COMMD10: variants seen among roughly 807,000 people sequenced by gnomAD.
The protein encoded by COMMD10 is COMM domain containing 10, also known as COMM domain-containing protein 10.
Under a neutral mutation model 28.9 loss-of-function variants are expected in COMMD10, and 33 were observed. That is an observed-to-expected ratio of 1.14 (90% CI 0.87 to 1.53). COMMD10 has a LOEUF of 1.53. Among genes scored for constraint, COMMD10 ranks in the 40% most tolerant of loss-of-function variants. The pLI, the probability that COMMD10 is intolerant of heterozygous loss-of-function variation, is 0.00. For missense variants in COMMD10, 310 were observed against 233.4 expected (o/e 1.33, Z -2.14); for synonymous variants, 110 against 81.7 (o/e 1.35, Z -1.87).
At chr5:116,109,117 T>A in intron 4 of COMMD10, among the ~76,000 whole-genome samples, 1 of 152,226 alleles carries the variant, frequency 6.6e-6, no homozygotes. Flanking sequence ...TGCTGGGAGC[T>A]ACAGACCGGA....
chr5:116,215,468 C>T (rs1749069658), intron 5 of COMMD10, among the ~76,000 whole-genome samples: 2 of 151,516 alleles, frequency 1.3e-5, no homozygotes, highest in Non-Finnish European at 2.9e-5. Context: ...GCTGGTGGAT[C>T]ATGAGGCCAG....
intron 5 of COMMD10, among the ~76,000 whole-genome samples, chr5:116,153,852 T>A (rs923869193): frequency 2.0e-5 from 3 of 151,828 alleles, no homozygotes; most frequent in Admixed American, 2.0e-4. Flanking sequence ...ATGTGAAGAG[T>A]GAGAGAATGA....
intron 5 of COMMD10, among the ~76,000 whole-genome samples, chr5:116,143,126 T>C (rs990647722): frequency 1.3e-5 from 2 of 150,274 alleles, no homozygotes; most frequent in Non-Finnish European, 3.0e-5. Flanking sequence ...GACAATATTA[T>C]GTAGTCAGGT....
chr5:116,165,985 A>G (rs907325575), intron 5 of COMMD10, among the ~76,000 whole-genome samples: 2 of 152,272 alleles, frequency 1.3e-5, no homozygotes, highest in African/African-American at 2.4e-5. Context: ...ATTTGGTAAC[A>G]TGAATTGAGG....
intron 4 of COMMD10, among the ~76,000 whole-genome samples, chr5:116,118,469 AT>A (rs1751313601): frequency 6.6e-6 from 1 of 150,586 alleles, no homozygotes; most frequent in Admixed American, 6.7e-5. Flanking sequence ...AAACTGTGCT[AT>A]TTTTAAGTTC....
At position 116,260,002 on chromosome 5, in the gene COMMD10, T is replaced by G. The variant is rs552566458; in HGVS notation, c.511-31515T>G. On this transcript the variant is annotated intron_variant, in intron 5 of 6. Coordinates refer to ENST00000274458, the MANE Select transcript of COMMD10 (RefSeq NM_016144.4). Reference sequence around the variant, plus strand: ...CTGATTTGTGTTTGTTTACAGAGCTTCTTCAAAATTTTTGGTCTGCAGTGG... The same window carrying G: ...CTGATTTGTGTTTGTTTACAGAGCTGCTTCAAAATTTTTGGTCTGCAGTGG... 1.6e-4 allele frequency among the ~76,000 whole-genome samples: 24 copies of G among 151,938 alleles called. 1 individual carries two copies. Among genetic ancestry groups the G allele is most frequent in the African/African-American group, 5.8e-4 (24 of 41,292 alleles).
intron 5 of COMMD10, among the ~76,000 whole-genome samples, chr5:116,242,328 T>A (rs557695726): frequency 4.6e-5 from 7 of 152,348 alleles, no homozygotes; most frequent in Admixed American, 6.5e-5. Context: ...CAGGTTTTAG[T>A]TTTGGCTCTG....
chr5:116,274,780 C>G lies in COMMD10; in HGVS notation c.511-16737C>G, dbSNP rs548386278. On this transcript the variant is annotated intron_variant, in intron 5 of 6. Transcript: ENST00000274458. ...TTTTTAACCCACCTCTCAAGGCAGT[C>G]TCTTAATTATTGGTGTGCCTTAAGG... Among the ~76,000 whole-genome samples the G allele has an allele frequency of 2.6e-5, 4 of 151,842 alleles. No individual in the cohort carries two copies. The South Asian group carries it at 6.2e-4, about 24-fold the overall frequency.
chr5:116,219,001 G>A (rs576278355), intron 5 of COMMD10, among the ~76,000 whole-genome samples: 2 of 152,132 alleles, frequency 1.3e-5, no homozygotes, highest in Non-Finnish European at 2.9e-5. Flanking sequence ...TAAGGATAGG[G>A]CTATTATCCA....
chr5:116,135,350 A>C (rs781076989), intron 5 of COMMD10, among the ~76,000 whole-genome samples: 84 of 152,366 alleles, frequency 5.5e-4, no homozygotes, highest in African/African-American at 1.9e-3. Context: ...GGCTTCTTTA[A>C]GAAGTATCTA....
At chr5:116,279,062 A>G (rs968011705) in intron 5 of COMMD10, among the ~76,000 whole-genome samples, 1 of 151,808 alleles carries the variant, frequency 6.6e-6, no homozygotes, top group Non-Finnish European at 1.5e-5. Context: ...TCACTGGTGT[A>G]TGCATGTATG....
chr5:116,164,874 G>C lies in COMMD10; in HGVS notation c.510+30696G>C, dbSNP rs138369301. Among the ~76,000 whole-genome samples the C allele has an allele frequency of 7.1e-3, 1,079 of 152,230 alleles. 14 individuals carry two copies. The highest frequency in any genetic ancestry group is 0.025 in the African/African-American group (1,027 of 41,544). ...AGCTATAATGTGCCCTTGGCAAGGA[G>C]GATGAAGAGGAGGTATAGCCTGAGC... is the stretch of plus-strand genomic sequence containing the variant. On this transcript the variant is annotated intron_variant, in intron 5 of 6. Coordinates refer to ENST00000274458, the MANE Select transcript of COMMD10 (RefSeq NM_016144.4).
intron 5 of COMMD10, among the ~76,000 whole-genome samples, chr5:116,247,721 A>G (rs1457544898): frequency 6.6e-6 from 1 of 152,076 alleles, no homozygotes; most frequent in East Asian, 1.9e-4. Flanking sequence ...ACAGAAAGCA[A>G]CAACCACATG....
At chr5:116,134,856 T>C (rs1751979339) in intron 5 of COMMD10, among the ~76,000 whole-genome samples, 1 of 151,942 alleles carries the variant, frequency 6.6e-6, no homozygotes, top group African/African-American at 2.4e-5. Context: ...CCCCTGACCT[T>C]GTGATCCACC....
At chr5:116,102,421 A>G (rs780626910) in intron 4 of COMMD10, among the ~76,000 whole-genome samples, 6 of 152,054 alleles carry the variant, frequency 3.9e-5, no homozygotes, top group Admixed American at 1.3e-4. Context: ...CTATGTGTCT[A>G]TCTTTATACT....
At chr5:116,085,348 T>G (rs1750058169) in intron 1 of COMMD10, 3 of 487,722 alleles carry the variant, frequency 6.2e-6, no homozygotes, top group East Asian at 7.0e-5. Flanking sequence ...CGGAAGCGTG[T>G]GGTCTGCAAG....
At chr5:116,244,124 G>A (rs529573434) in intron 5 of COMMD10, among the ~76,000 whole-genome samples, 32 of 152,162 alleles carry the variant, frequency 2.1e-4, no homozygotes, top group African/African-American at 7.7e-4. Flanking sequence ...ACTGTTGATA[G>A]TACAGAGAAA....
At chr5:116,133,869 T>C (rs186195128) in intron 4 of COMMD10, among the ~76,000 whole-genome samples, 199 bp from the exon 5 acceptor site, 389 of 152,324 alleles carry the variant, frequency 2.6e-3, no homozygotes, top group Non-Finnish European at 4.4e-3. Flanking sequence ...CTGTTAAATT[T>C]GACAGGCGTG....
intron 5 of COMMD10, among the ~76,000 whole-genome samples, chr5:116,226,053 G>C (rs1365154665): frequency 6.6e-6 from 1 of 151,870 alleles, no homozygotes; most frequent in Non-Finnish European, 1.5e-5. Context: ...CTTTTTTGTA[G>C]CTGTAGCTAT....
Sources: gnomAD v4.1 joint callset for allele counts (sites outside exome capture counted in the v4.1 genomes callset) on GRCh38, gnomAD v4.1.1 for gene constraint, MANE v1.5 for transcripts, NCBI Gene and HGNC (gene_info 2026-07-23, HGNC 2026-07-21) for gene names.